Variants in PGBD2 observed in about 807,000 individuals in gnomAD.
The protein encoded by PGBD2 is piggyBac transposable element derived 2, also known as piggyBac transposable element-derived protein 2.
Under a neutral mutation model 8.1 loss-of-function variants are expected in PGBD2, and 6 were observed. That is an observed-to-expected ratio of 0.74 (90% CI 0.40 to 1.46). The LOEUF (loss-of-function observed/expected upper bound fraction) is 1.46. Ranked by LOEUF, PGBD2 falls within the 40% of genes most tolerant of loss-of-function variation. The probability of loss-of-function intolerance (pLI) is 0.02; values close to 1 mark genes in which losing one functional copy is unlikely to be tolerated. For missense variants in PGBD2, 802 were observed against 739.0 expected, an observed-to-expected ratio of 1.09 and a Z score of -0.99; for synonymous variants, 318 against 272.2, an observed-to-expected ratio of 1.17 and a Z score of -1.66.
chr1:248,920,079 G>A (rs1206961295), downstream of PGBD2: 5 of 151,716 alleles, frequency 3.3e-5, no homozygotes, highest in African/African-American at 1.2e-4. Flanking sequence ...GTTTCACCAT[G>A]TTGGCCAGGC....
chr1:248,911,919 C>T (rs896544628), intron 1 of PGBD2, among the ~76,000 whole-genome samples: 1 of 151,862 alleles, frequency 6.6e-6, no homozygotes, highest in African/African-American at 2.4e-5. Context: ...ATTGGAGATG[C>T]GCAGAGAGGG....
At chr1:248,887,611 A>T in the PGBD2 span, among the ~76,000 whole-genome samples, 1 of 152,166 alleles carries the variant, frequency 6.6e-6, no homozygotes, top group African/African-American at 2.4e-5. Flanking sequence ...AAACACACCA[A>T]ACCAGTAGAA....
At position 248,916,629 on chromosome 1, in the gene PGBD2, C is replaced by T. The variant is rs372743407; in HGVS notation, c.45C>T (p.His15=). ...ATGTCATTGCTGGGAGAGGTATCCACTCAAAGGTGAAGTCTGCAAAGCTGC... is the reference window on the plus strand; with the variant it reads ...ATGTCATTGCTGGGAGAGGTATCCATTCAAAGGTGAAGTCTGCAAAGCTGC... ...SRDVIAGRGI[H]SKVKSAKLLE... is the part of the protein sequence containing the mutation. Residue 15 remains histidine, a synonymous_variant, in exon 3 of 3, where the codon CAC becomes CAT. Coordinates refer to ENST00000329291, the MANE Select transcript of PGBD2 (RefSeq NM_170725.3). 69 of 1,614,124 alleles carry T rather than the reference C, an allele frequency of 4.3e-5. No homozygotes were observed. Among genetic ancestry groups the T allele is most frequent in the Non-Finnish European group, 5.8e-5 (68 of 1,180,012 alleles).
At chr1:248,893,898 C>T in the PGBD2 span, among the ~76,000 whole-genome samples, 1 of 152,158 alleles carries the variant, frequency 6.6e-6, no homozygotes, top group East Asian at 1.9e-4. Flanking sequence ...TCTTTGACAA[C>T]ATTCTTTTCT....
chr1:248,922,071 T>TG (rs1662296410), downstream of PGBD2, among the ~76,000 whole-genome samples: 1 of 151,250 alleles, frequency 6.6e-6, no homozygotes, highest in African/African-American at 2.4e-5. Flanking sequence ...TCTTTTTTTT[T>TG]TTTTTTGAGA....
At chr1:248,929,335 C>T in the PGBD2 span, among the ~76,000 whole-genome samples, 1 of 152,140 alleles carries the variant, frequency 6.6e-6, no homozygotes, top group African/African-American at 2.4e-5. Flanking sequence ...ATGAACATTT[C>T]CACCACCTTC....
chr1:248,925,144 A>G, the PGBD2 span, among the ~76,000 whole-genome samples: 12 of 152,310 alleles, frequency 7.9e-5, no homozygotes, highest in African/African-American at 2.6e-4. Context: ...CAGGGAGCAC[A>G]TTCACACGTG....
In PGBD2 at chr1:248,917,173, A is replaced by T. The variant is rs772015105; in HGVS notation, c.589A>T (p.Arg197Ter). ...ILSGYISYPR[R>*]RMFWETSPDS... The stretch of plus-strand genomic sequence containing the variant: ...AAGTGGGTACATCTCTTATCCAAGG[A>T]GAAGGATGTTCTGGGAAACCTCTCC... Residue 197 changes from arginine to a stop codon, truncating the protein, a stop_gained, in exon 3 of 3, where the codon AGA becomes TGA. Coordinates refer to ENST00000329291, the MANE Select transcript of PGBD2 (RefSeq NM_170725.3). LOFTEE classifies it low-confidence loss of function (END_TRUNC). The T allele has an allele frequency of 6.2e-7, 1 of 1,614,140 alleles. No individual in the cohort carries two copies. Among genetic ancestry groups the T allele is most frequent in the South Asian group, 1.1e-5 (1 of 91,084 alleles).
the PGBD2 span, among the ~76,000 whole-genome samples, chr1:248,891,363 T>C: frequency 6.6e-6 from 1 of 152,060 alleles, no homozygotes; most frequent in Non-Finnish European, 1.5e-5. Context: ...GGCTGTGCTG[T>C]AGATATTTTT....
chr1:248,909,328 GTA>G (rs980574442), intron 1 of PGBD2, among the ~76,000 whole-genome samples: 1 of 152,276 alleles, frequency 6.6e-6, no homozygotes, highest in Non-Finnish European at 1.5e-5. Flanking sequence ...TGAGTCCACT[GTA>G]TTAGATTCTT....
At chr1:248,877,674 T>A in the PGBD2 span, among the ~76,000 whole-genome samples, 1 of 152,160 alleles carries the variant, frequency 6.6e-6, no homozygotes, top group Non-Finnish European at 1.5e-5. Flanking sequence ...TTGGAAATAG[T>A]TCTCTCTGGA....
chr1:248,892,383 G>A, the PGBD2 span, among the ~76,000 whole-genome samples: 4 of 151,340 alleles, frequency 2.6e-5, no homozygotes, highest in African/African-American at 4.9e-5. Flanking sequence ...ACGATGTAAC[G>A]GTCATAGAGG....
At chr1:248,872,975 T>A in the PGBD2 span, among the ~76,000 whole-genome samples, 1 of 151,918 alleles carries the variant, frequency 6.6e-6, no homozygotes, top group South Asian at 2.1e-4. Flanking sequence ...ATAGAACTTC[T>A]CCACCACTTC....
downstream of PGBD2, among the ~76,000 whole-genome samples, chr1:248,924,832 T>G (rs1572286068): frequency 6.6e-6 from 1 of 152,198 alleles, no homozygotes; most frequent in South Asian, 2.1e-4. Context: ...GGAGGTTGGC[T>G]CTGGGAGGGC....
At chr1:248,901,540 G>T (rs1017007763), upstream of PGBD2, among the ~76,000 whole-genome samples, 3 of 152,182 alleles carry the variant, frequency 2.0e-5, no homozygotes, top group African/African-American at 7.2e-5. Flanking sequence ...CTAGCCATAT[G>T]CAGAAAACTG....
chr1:248,891,466 A>G, the PGBD2 span, among the ~76,000 whole-genome samples: 9,945 of 152,278 alleles, frequency 0.065, 550 homozygotes, highest in African/African-American at 0.15. Context: ...ATGATTTGTC[A>G]TCTCTTTTGC....
the PGBD2 span, among the ~76,000 whole-genome samples, chr1:248,881,831 G>A: frequency 6.6e-6 from 1 of 152,102 alleles, no homozygotes; most frequent in East Asian, 1.9e-4. Context: ...AACCTGCTGT[G>A]GTGTAGACAG....
At chr1:248,908,652 A>C (rs1661749379) in intron 1 of PGBD2, among the ~76,000 whole-genome samples, 2 of 149,764 alleles carry the variant, frequency 1.3e-5, no homozygotes, top group African/African-American at 4.9e-5. Context: ...GCTTGTTAAC[A>C]TACACCCTTC....
At chr1:248,874,845 A>G in the PGBD2 span, among the ~76,000 whole-genome samples, 12 of 151,482 alleles carry the variant, frequency 7.9e-5, no homozygotes, top group African/African-American at 2.9e-4. Context: ...ACACTGGTTA[A>G]TATTTTGTCA....
Sources: allele counts gnomAD v4.1 joint callset (sites outside exome capture counted in the v4.1 genomes callset), GRCh38; gene constraint gnomAD v4.1.1; transcripts MANE v1.5; gene names NCBI Gene and HGNC (gene_info 2026-07-23, HGNC 2026-07-21).